Variants in SLC41A3 observed in about 807,000 individuals in gnomAD.
SLC41A3 encodes the protein SLC41A1-like 2.
SLC41A3 carries 44 observed loss-of-function variants against 45.4 expected under a neutral mutation model. The ratio of observed to expected loss-of-function variants is 0.97; its 90% CI spans 0.76 to 1.25. The LOEUF is 1.25. Ranked by LOEUF, SLC41A3 falls within the 50% of genes most tolerant of loss-of-function variation. The pLI is 0.00. For missense variants in SLC41A3, 550 were observed against 600.6 expected, an observed-to-expected ratio of 0.92 and a Z score of 0.88; for synonymous variants, 256 against 252.4, an observed-to-expected ratio of 1.01 and a Z score of -0.13.
chr3:126,052,209 A>T (rs1446100187), intron 2 of SLC41A3, among the ~76,000 whole-genome samples: 3 of 151,928 alleles, frequency 2.0e-5, no homozygotes, highest in East Asian at 3.9e-4. Flanking sequence ...GTCCTCCCAC[A>T]CCTCACAGTC....
intron 2 of SLC41A3, among the ~76,000 whole-genome samples, chr3:126,060,464 G>T (rs879041945): frequency 4.4e-5 from 2 of 45,170 alleles, no homozygotes; most frequent in African/African-American, 1.4e-4. Context: ...ACACACACGT[G>T]CATGCACAGT....
At chr3:126,010,298 C>T (rs996517160) in intron 9 of SLC41A3, among the ~76,000 whole-genome samples, 1 of 152,212 alleles carries the variant, frequency 6.6e-6, no homozygotes, top group Non-Finnish European at 1.5e-5. Context: ...CATGGTGAAA[C>T]CCTGTCTCTA....
At chr3:126,033,579 G>T (rs376123148) in intron 4 of SLC41A3, 28 bp downstream of exon 4, 3 of 1,607,258 alleles carry the variant, frequency 1.9e-6, no homozygotes, top group Non-Finnish European at 2.5e-6. Flanking sequence ...AGATTCAGAA[G>T]GGAGGGTCGG....
At chr3:126,071,326 A>C (rs1007900885) in intron 1 of SLC41A3, among the ~76,000 whole-genome samples, 1 of 152,236 alleles carries the variant, frequency 6.6e-6, no homozygotes, top group Non-Finnish European at 1.5e-5. Flanking sequence ...GATATTTGAT[A>C]ATGATAAAAG....
At chr3:126,077,009 A>G (rs1157604535) in intron 1 of SLC41A3, among the ~76,000 whole-genome samples, 1 of 152,230 alleles carries the variant, frequency 6.6e-6, no homozygotes, top group Non-Finnish European at 1.5e-5. Context: ...CCTTTCCAAA[A>G]TGAAAATAAC....
rs1180185487 is a variant in SLC41A3, at chr3:126,081,178, A to T, written c.-28+2915T>A. Among the ~76,000 whole-genome samples, 3 of 152,244 alleles carry T rather than the reference A, an allele frequency of 2.0e-5. No individual in the cohort carries two copies. In the East Asian group the frequency reaches 5.8e-4, roughly 29 times the overall value. On this transcript the variant is annotated intron_variant, in intron 1 of 10. Coordinates refer to ENST00000360370, the MANE Select transcript of SLC41A3 (RefSeq NM_017836.4). ...ATACACAATGGAGTACTATTCAGCC[A>T]TAAAGAAGAATGAGATCCTGTCATC...
intron 2 of SLC41A3, among the ~76,000 whole-genome samples, chr3:126,061,945 G>A (rs1944094166): frequency 6.6e-6 from 1 of 152,172 alleles, no homozygotes; most frequent in Non-Finnish European, 1.5e-5. Flanking sequence ...TGTGGGGCTG[G>A]TGGGTGCTCC....
intron 3 of SLC41A3, among the ~76,000 whole-genome samples, chr3:126,039,266 G>A (rs1460426869): frequency 1.3e-5 from 2 of 152,196 alleles, no homozygotes; most frequent in South Asian, 2.1e-4. Flanking sequence ...ACTATAGAAT[G>A]TATTCATATG....
intron 4 of SLC41A3, among the ~76,000 whole-genome samples, chr3:126,027,069 C>T (rs1941415832): frequency 6.6e-6 from 1 of 152,118 alleles, no homozygotes; most frequent in African/African-American, 2.4e-5. Flanking sequence ...GACCTGGAAA[C>T]GTTATTAAAG....
intron 1 of SLC41A3, among the ~76,000 whole-genome samples, chr3:126,068,527 A>G (rs1453320344): frequency 6.6e-6 from 1 of 152,224 alleles, no homozygotes; most frequent in Non-Finnish European, 1.5e-5. Context: ...CTATAAAAGC[A>G]ATTTAAAAAA....
At chr3:126,007,902 C>A (rs75168435) in intron 10 of SLC41A3, among the ~76,000 whole-genome samples, 1,882 of 152,348 alleles carry the variant, frequency 0.012, 41 homozygotes, top group African/African-American at 0.042. Context: ...CACTGGGGAC[C>A]ATCAGCCCGC....
chr3:126,056,843 G>A (rs1259523730), intron 2 of SLC41A3: 4 of 1,229,248 alleles, frequency 3.3e-6, no homozygotes, highest in South Asian at 4.7e-5. Flanking sequence ...GACAGTGGCT[G>A]TGTGTCCGCC....
At chr3:126,086,419 T>G (rs867082517), upstream of SLC41A3, among the ~76,000 whole-genome samples, 127 of 144,454 alleles carry the variant, frequency 8.8e-4, 3 homozygotes, top group African/African-American at 2.8e-3. Flanking sequence ...TTTTTTTTTT[T>G]TTTTTTTTTT....
At chr3:126,061,150 T>C (rs1944044611) in intron 2 of SLC41A3, among the ~76,000 whole-genome samples, 1 of 152,244 alleles carries the variant, frequency 6.6e-6, no homozygotes, top group Non-Finnish European at 1.5e-5. Flanking sequence ...CAGGGTCACC[T>C]TGACCCTCGG....
intron 1 of SLC41A3, among the ~76,000 whole-genome samples, chr3:126,096,381 G>GCCC (rs75940914): frequency 1.4e-3 from 214 of 151,774 alleles, no homozygotes; most frequent in African/African-American, 4.3e-3. Flanking sequence ...GTTGGGAACA[G>GCCC]CCCCCCCACC....
Position 126,067,637 on chromosome 3 carries a change from T to C in SLC41A3, c.273+310A>G, listed in dbSNP as rs1944418649. The C allele has an allele frequency of 8.0e-6, 4 of 500,468 alleles. No individual in the cohort carries two copies. In the East Asian group the frequency reaches 1.6e-4, roughly 20 times the overall value. The allele number at this position is 500,468 out of a possible 1,614,324, so 31.0% of individuals were successfully genotyped here. A position where few individuals can be genotyped will look rare whatever the true frequency, so the allele number is the denominator to read the frequency against. ...TGAAGCACCCCAGTGTGTGGGACTTTGTTATGGCAGCAGTAGTTGACTGAC... is the reference window on the plus strand; with the variant it reads ...TGAAGCACCCCAGTGTGTGGGACTTCGTTATGGCAGCAGTAGTTGACTGAC... On this transcript the variant is annotated intron_variant, in intron 2 of 10. Transcript: ENST00000360370.
At chr3:126,018,362 T>C (rs899064625) in intron 6 of SLC41A3, among the ~76,000 whole-genome samples, 2 of 152,240 alleles carry the variant, frequency 1.3e-5, no homozygotes, top group Non-Finnish European at 2.9e-5. Context: ...GTTTTAAGTT[T>C]AGTTTAGCTT....
intron 2 of SLC41A3, among the ~76,000 whole-genome samples, chr3:126,060,871 G>C (rs957591225): frequency 6.6e-5 from 10 of 152,346 alleles, no homozygotes; most frequent in Non-Finnish European, 1.5e-4. Flanking sequence ...GCATGAGCAA[G>C]TGGCACAAGA....
At chr3:126,072,748 A>G (rs887142161) in intron 1 of SLC41A3, among the ~76,000 whole-genome samples, 1 of 152,264 alleles carries the variant, frequency 6.6e-6, no homozygotes, top group African/African-American at 2.4e-5. Flanking sequence ...GTACCATTCA[A>G]CCCAGCAATC....
Sources: gnomAD v4.1 joint callset for allele counts (sites outside exome capture counted in the v4.1 genomes callset) on GRCh38, gnomAD v4.1.1 for gene constraint, MANE v1.5 for transcripts, NCBI Gene and HGNC (gene_info 2026-07-23, HGNC 2026-07-21) for gene names.